Variants in ITIH1 observed in about 807,000 individuals in gnomAD.
The protein encoded by ITIH1 is inter-alpha-trypsin inhibitor heavy chain H1.
ITIH1 carries 94 observed loss-of-function variants against 104.6 expected under a neutral mutation model. The ratio of observed to expected loss-of-function variants is 0.90; its 90% CI spans 0.76 to 1.07. The LOEUF (loss-of-function observed/expected upper bound fraction) is 1.07, where lower values mean the gene tolerates loss of function less well. Ranked by LOEUF, ITIH1 falls within the 50% of genes least tolerant of loss-of-function variation. The pLI is 0.00. For synonymous variants in ITIH1, 455 were observed against 464.4 expected (o/e 0.98, Z 0.26); for missense variants, 1,193 against 1,181.4 (o/e 1.01, Z -0.14).
chr3:52,779,249 G>A lies in ITIH1; in HGVS notation c.411-183G>A, dbSNP rs1698979416. 6.6e-6 allele frequency among the ~76,000 whole-genome samples: 1 copy of A among 152,220 alleles called. No individual in the cohort carries two copies. The highest frequency in any genetic ancestry group is 1.5e-5 in the Non-Finnish European group (1 of 68,044). ...TCCCAGATATGCCACTGGGAGAAGTGGGCCCCCGCCATCTTGGGCCCTGAC... is the reference window on the plus strand; with the variant it reads ...TCCCAGATATGCCACTGGGAGAAGTAGGCCCCCGCCATCTTGGGCCCTGAC... On this transcript the variant is annotated intron_variant, in intron 4 of 21. Transcript: ENST00000273283. The surrounding 1 kb of genome is among the most constrained non-coding windows in gnomAD (Gnocchi z 4.4).
At chr3:52,778,676 T>C in intron 3 of ITIH1, 170 bp downstream of exon 3, 2 of 1,446,600 alleles carry the variant, frequency 1.4e-6, no homozygotes, top group Non-Finnish European at 1.8e-6. Flanking sequence ...GGTCTGTGCT[T>C]GGCTCCCATC....
intron 13 of ITIH1, 26 bp downstream of exon 13, chr3:52,786,460 T>C (rs1207329933): frequency 6.4e-7 from 1 of 1,559,782 alleles, no homozygotes; most frequent in South Asian, 1.2e-5. Context: ...CTGCCCCAGG[T>C]GGGCACTGCC....
chr3:52,782,527 AC>A (rs945723657), intron 8 of ITIH1, among the ~76,000 whole-genome samples: 1 of 152,102 alleles, frequency 6.6e-6, no homozygotes, highest in African/African-American at 2.4e-5. Context: ...TCATGGAGTT[AC>A]CCCCTGGGGG....
At chr3:52,782,528 C>A (rs1041469206) in intron 8 of ITIH1, among the ~76,000 whole-genome samples, 2 of 152,120 alleles carry the variant, frequency 1.3e-5, no homozygotes, top group Non-Finnish European at 2.9e-5. Flanking sequence ...CATGGAGTTA[C>A]CCCCTGGGGG....
At position 52,790,767 on chromosome 3, in the gene ITIH1, C is replaced by T. The variant is rs1699332215; in HGVS notation, c.2340C>T (p.Asn780=). The T allele has an allele frequency of 6.2e-7, 1 of 1,612,640 alleles. No homozygotes were observed. Among genetic ancestry groups the T allele is most frequent in the East Asian group, 2.2e-5 (1 of 44,726 alleles). ...LRQDGVVVTI[N]KKRNLVVSVD... is the part of the protein sequence containing the mutation. Reference sequence around the variant, plus strand: ...TCTGCAGGGTGGTGGTGACCATCAACAAGAAGAGGAACCTGGTGGTGTCTG... The same window carrying T: ...TCTGCAGGGTGGTGGTGACCATCAATAAGAAGAGGAACCTGGTGGTGTCTG... Residue 780 remains asparagine, a synonymous_variant, in exon 20 of 22, where the codon AAC becomes AAT. Transcript: ENST00000273283.
intron 11 of ITIH1, 33 bp downstream of exon 11, chr3:52,784,510 G>T (rs766576809): frequency 6.2e-7 from 1 of 1,602,482 alleles, no homozygotes; most frequent in Non-Finnish European, 8.5e-7. Context: ...ACCTCCAATG[G>T]CATGCCATAG....
chr3:52,787,313 C>A, intron 15 of ITIH1, 111 bp downstream of exon 15: 1 of 1,443,368 alleles, frequency 6.9e-7, no homozygotes, highest in Non-Finnish European at 9.7e-7. Context: ...CCTGACTCCA[C>A]TCCTTCCCGT....
chr3:52,788,988 G>T (rs143013315), intron 18 of ITIH1, among the ~76,000 whole-genome samples: 15 of 152,246 alleles, frequency 9.9e-5, no homozygotes, highest in Middle Eastern at 6.8e-3. Context: ...CATGAAGCAT[G>T]GCTGAGCAGA....
chr3:52,789,932 T>A, intron 19 of ITIH1, 78 bp downstream of exon 19: 1 of 1,435,524 alleles, frequency 7.0e-7, no homozygotes, highest in Non-Finnish European at 9.7e-7. Flanking sequence ...TGCAGGGCCC[T>A]CGTCCCTGAG....
rs772049560 is a variant in ITIH1 at position 52,779,542 on chromosome 3, A to T, written c.521A>T (p.Gln174Leu). Residue 174 changes from glutamine (Q) to leucine (L), a missense_variant, in exon 5 of 22, where the codon CAG (glutamine) becomes CTG (leucine). Physicochemically the swap from Gln to Leu is moderately radical, Grantham distance 113. Transcript: ENST00000273283. The surrounding 1 kb of genome is among the most constrained non-coding windows in gnomAD (Gnocchi z 4.4). ...GAAGTGCTGAAGAGAAACCATATGC[A>T]GTATGAAATTGTCATCAAAGTCAAG... ...YEEVLKRNHM[Q>L]YEIVIKVKPK... 2 of 1,614,094 alleles carry T rather than the reference A, an allele frequency of 1.2e-6. No individual in the cohort carries two copies. The highest frequency in any genetic ancestry group is 1.7e-6 in the Non-Finnish European group (2 of 1,180,038).
chr3:52,780,301 C>A lies in ITIH1; in HGVS notation c.606C>A (p.Ile202=), dbSNP rs769157144. The A allele has an allele frequency of 2.5e-6, 4 of 1,614,010 alleles. No homozygotes were observed. In the South Asian group the frequency reaches 4.4e-5, roughly 18 times the overall value. Residue 202 remains isoleucine (I), a synonymous_variant, in exon 6 of 22, where the codon ATC becomes ATA. Coordinates refer to ENST00000273283, the MANE Select transcript of ITIH1 (RefSeq NM_002215.4). The part of the protein sequence containing the change: ...IDVDIFEPQG[I]SKLDAQASFL... ...TGGACATCTTCGAGCCCCAGGGGAT[C>A]AGCAAGCTGGATGCCCAGGCCTCTT...
intron 6 of ITIH1, 94 bp from the exon 7 acceptor site, chr3:52,781,846 C>T (rs1578731928): frequency 6.6e-7 from 1 of 1,506,742 alleles, no homozygotes; most frequent in Non-Finnish European, 9.0e-7. Context: ...CAAACACACA[C>T]ACACACACAC....
intron 21 of ITIH1, 36 bp downstream of exon 21, chr3:52,791,664 G>T: frequency 6.2e-7 from 1 of 1,611,244 alleles, no homozygotes; most frequent in Admixed American, 1.7e-5. Context: ...TCTGCCCTCG[G>T]CCACTTTGTA....
Position 52,786,330 on chromosome 3 carries a change from TGAG to T in ITIH1, c.1636_1638del (p.Glu546del). 6.4e-7 allele frequency: 1 copy of T among 1,573,302 alleles called. No homozygotes were observed. The highest frequency in any genetic ancestry group is 8.6e-7 in the Non-Finnish European group (1 of 1,158,264). Reference sequence around the variant, plus strand: ...AATTCAGTATAACCTGCCTAGTGGATGAGGAGGAGATGAAGAAACTGCTCCGAG... The same window carrying T: ...AATTCAGTATAACCTGCCTAGTGGATGAGGAGATGAAGAAACTGCTCCGAG... On this transcript the variant is annotated inframe_deletion, in exon 13 of 22. Coordinates refer to ENST00000273283, the MANE Select transcript of ITIH1 (RefSeq NM_002215.4).
At chr3:52,777,803 C>T in intron 1 of ITIH1, 71 bp downstream of exon 1, 5 of 1,435,788 alleles carry the variant, frequency 3.5e-6, no homozygotes, top group Non-Finnish European at 4.8e-6. Context: ...GGACACAAGA[C>T]CCCCATTCAA....
intron 3 of ITIH1, 43 bp from the exon 4 acceptor site, chr3:52,778,899 C>A: frequency 7.0e-7 from 1 of 1,421,492 alleles, no homozygotes; most frequent in South Asian, 1.2e-5. Flanking sequence ...CCTGTGTGGT[C>A]AGGAGGCTCA....
In ITIH1 at chr3:52,779,517, G is replaced by A. The variant is rs2154108158; in HGVS notation, c.496G>A (p.Glu166Lys). The A allele has an allele frequency of 1.2e-6, 2 of 1,614,220 alleles. No individual in the cohort carries two copies. Among genetic ancestry groups the A allele is most frequent in the Non-Finnish European group, 1.7e-6 (2 of 1,180,030 alleles). The change falls in exon 5 of 22, where the codon GAA (glutamate) becomes AAA (lysine). Residue 166 changes from glutamate (E) to lysine (K), a missense_variant. Glu to Lys is a moderately conservative substitution (Grantham distance 56, BLOSUM62 1). Transcript: ENST00000273283. This position sits in a 1 kb window ranked among gnomAD's most constrained non-coding sequence, Gnocchi z 4.4. ...GGTCACGTTTCAGCTGACTTATGAG[G>A]AAGTGCTGAAGAGAAACCATATGCA... is the stretch of plus-strand genomic sequence containing the variant. Reference protein sequence around the residue: ...SKVTFQLTYEEVLKRNHMQYE... With the variant: ...SKVTFQLTYEKVLKRNHMQYE...
At chr3:52,780,208 TG>T (rs1435294619) in intron 5 of ITIH1, 60 bp from the exon 6 acceptor site, 21 of 1,366,580 alleles carry the variant, frequency 1.5e-5, no homozygotes, top group Non-Finnish European at 2.1e-5. Flanking sequence ...GAGGCCAGCC[TG>T]GGCAACAAAG....
intron 10 of ITIH1, 82 bp downstream of exon 10, chr3:52,783,421 A>G: frequency 6.8e-7 from 1 of 1,478,256 alleles, no homozygotes; most frequent in East Asian, 2.4e-5. Context: ...AAACCCAACC[A>G]TTGGAGATGC....
Sources: allele counts gnomAD v4.1 joint callset (sites outside exome capture counted in the v4.1 genomes callset), GRCh38; gene constraint gnomAD v4.1.1; non-coding constraint Gnocchi (gnomAD v3.1); transcripts MANE v1.5; gene names NCBI Gene and HGNC (gene_info 2026-07-23, HGNC 2026-07-21).